Variants in GTF2IRD1 observed in about 807,000 individuals in gnomAD.
GTF2IRD1 encodes general transcription factor II-I repeat domain-containing protein 1.
GTF2IRD1 carries 26 observed loss-of-function variants against 113.2 expected under a neutral mutation model. The ratio of observed to expected loss-of-function variants is 0.23; its 90% CI spans 0.17 to 0.32. The LOEUF (loss-of-function observed/expected upper bound fraction) is 0.32. GTF2IRD1 is among the 10% of genes least tolerant of loss of function. GTF2IRD1 has a pLI of 1.00. For missense variants in GTF2IRD1, 864 were observed against 1,280.8 expected (o/e 0.67, Z 4.97); for synonymous variants, 484 against 529.1 (o/e 0.91, Z 1.17).
At chr7:74,461,209 G>A (rs979151162) in intron 1 of GTF2IRD1, among the ~76,000 whole-genome samples, 4 of 152,154 alleles carry the variant, frequency 2.6e-5, no homozygotes, top group African/African-American at 9.7e-5. Flanking sequence ...CTGGCTTGAG[G>A]GCTTGCGGTC....
chr7:74,572,656 G>T (rs1800762543), intron 22 of GTF2IRD1: 2 of 520,362 alleles, frequency 3.8e-6, no homozygotes, highest in Non-Finnish European at 4.9e-6. Flanking sequence ...TCTGGCCCCT[G>T]CCTCCCTCTC....
chr7:74,494,331 T>C (rs1554337411), intron 1 of GTF2IRD1, among the ~76,000 whole-genome samples: 2 of 152,234 alleles, frequency 1.3e-5, no homozygotes, highest in African/African-American at 4.8e-5. Context: ...GCCCGGGGCC[T>C]GAGCCGAGGA....
rs1262381290 is a variant in GTF2IRD1, at chr7:74,571,350, G to A, written c.2320+11695G>A. Among the ~76,000 whole-genome samples, 5 of 152,228 alleles carry A rather than the reference G, an allele frequency of 3.3e-5. No individual in the cohort carries two copies. In the East Asian group the frequency reaches 5.8e-4, roughly 18 times the overall value. On this transcript the variant is annotated intron_variant, in intron 22 of 26. Coordinates refer to ENST00000424337, the MANE Select transcript of GTF2IRD1 (RefSeq NM_005685.4). ...GCAGAGAGACTGGCCAGGATGGAGC[G>A]GGGACAGCCTGGGAGGCCTGGCTTT...
rs1164847165 is a variant in GTF2IRD1, at chr7:74,521,296, A to G, written c.1005A>G (p.Ser335=). The change falls in exon 7 of 27, where the codon TCA becomes TCG. Residue 335 remains serine, a splice_region_variant and synonymous_variant. Coordinates refer to ENST00000424337, the MANE Select transcript of GTF2IRD1 (RefSeq NM_005685.4). ...TCTTCTCCATCGTCCATGACAAGTC[A>G]GGTAGGACAGCGCCCACGAAGCACC... ...RILFSIVHDK[S]EKWDAFIKET... 6.3e-7 allele frequency: 1 copy of G among 1,599,314 alleles called. No individual in the cohort carries two copies. Among genetic ancestry groups the G allele is most frequent in the African/African-American group, 1.3e-5 (1 of 74,744 alleles).
chr7:74,571,660 G>A (rs997161896), intron 22 of GTF2IRD1, among the ~76,000 whole-genome samples: 7 of 152,144 alleles, frequency 4.6e-5, no homozygotes, highest in Admixed American at 1.3e-4. Context: ...CCAGGAGTTC[G>A]AAACCAGCCT....
intron 1 of GTF2IRD1, chr7:74,506,477 C>G (rs1796302239): frequency 6.6e-6 from 1 of 152,194 alleles, no homozygotes; most frequent in South Asian, 2.1e-4. Flanking sequence ...GCAGAAACTC[C>G]CTGTCTGCAG....
chr7:74,569,939 G>A (rs1583915154), intron 22 of GTF2IRD1, among the ~76,000 whole-genome samples: 1 of 152,334 alleles, frequency 6.6e-6, no homozygotes, highest in South Asian at 2.1e-4. Context: ...CGTGGAGCTG[G>A]CAGAGAGAGA....
intron 1 of GTF2IRD1, among the ~76,000 whole-genome samples, chr7:74,473,320 G>A (rs1016467485): frequency 5.3e-5 from 8 of 152,144 alleles, no homozygotes; most frequent in African/African-American, 1.9e-4. Flanking sequence ...ACGTAGTCCC[G>A]CCCCCTGGTT....
rs12533633 is a variant in GTF2IRD1 at position 74,526,237 on chromosome 7, C to T, written c.1090+2083C>T. 8.6e-3 allele frequency among the ~76,000 whole-genome samples: 1,303 copies of T among 152,342 alleles called. 8 individuals carry two copies. Among genetic ancestry groups the T allele is most frequent in the Middle Eastern group, 0.014 (4 of 294 alleles). ...GCCAAGCCTTTTCCAAATGTCAGTT[C>T]CTGAGTCACATCCAAAGAGTGTTGG... is the stretch of plus-strand genomic sequence containing the variant. On this transcript the variant is annotated intron_variant, in intron 8 of 26. Coordinates refer to ENST00000424337, the MANE Select transcript of GTF2IRD1 (RefSeq NM_005685.4).
At chr7:74,520,587 CTT>C (rs1554345701) in intron 6 of GTF2IRD1, among the ~76,000 whole-genome samples, 1 of 151,872 alleles carries the variant, frequency 6.6e-6, no homozygotes, top group African/African-American at 2.4e-5. Context: ...ACCCGGTAGT[CTT>C]TTTGGATAAC....
At chr7:74,494,891 ACAGGTATG>A (rs1554337508) in intron 1 of GTF2IRD1, among the ~76,000 whole-genome samples, 1 of 152,116 alleles carries the variant, frequency 6.6e-6, no homozygotes, top group Non-Finnish European at 1.5e-5. Context: ...AGCTGGGACT[ACAGGTATG>A]CACTACCATG....
chr7:74,581,754 C>G (rs587655850), intron 22 of GTF2IRD1, among the ~76,000 whole-genome samples: 90 of 152,332 alleles, frequency 5.9e-4, no homozygotes, highest in Non-Finnish European at 1.2e-3. Context: ...ACGCCTGTAT[C>G]TCAGCACTTT....
intron 25 of GTF2IRD1, among the ~76,000 whole-genome samples, chr7:74,600,157 C>T (rs587746948): frequency 6.6e-6 from 1 of 152,178 alleles, no homozygotes; most frequent in African/African-American, 2.4e-5. Context: ...GAGCCAGGCA[C>T]GGTGGCTCAT....
chr7:74,551,398 T>TA (rs1799298279), intron 17 of GTF2IRD1, among the ~76,000 whole-genome samples: 1 of 151,886 alleles, frequency 6.6e-6, no homozygotes. Context: ...ACAAACAAAC[T>TA]AAAAAACCAT....
chr7:74,506,254 C>T (rs1796290960), intron 1 of GTF2IRD1: 1 of 152,236 alleles, frequency 6.6e-6, no homozygotes, highest in South Asian at 2.1e-4. Flanking sequence ...GAAGGCCTGT[C>T]TGTGGCTGGG....
intron 1 of GTF2IRD1, among the ~76,000 whole-genome samples, chr7:74,485,672 G>A (rs557869016): frequency 6.0e-5 from 9 of 149,202 alleles, no homozygotes; most frequent in East Asian, 2.0e-4. Flanking sequence ...CTATAATCCC[G>A]GCACTTTGAG....
At chr7:74,506,304 G>A (rs573946372) in intron 1 of GTF2IRD1, 2 of 152,184 alleles carry the variant, frequency 1.3e-5, no homozygotes, top group Non-Finnish European at 2.9e-5. Flanking sequence ...GGCACTGGTC[G>A]GGATCCTGGG....
chr7:74,595,112 GA>G (rs1562902008), intron 25 of GTF2IRD1, 61 bp downstream of exon 25: 10 of 1,283,086 alleles, frequency 7.8e-6, no homozygotes, highest in African/African-American at 4.5e-5. Context: ...TGTTCCATTT[GA>G]AAAAAGGTAG....
chr7:74,550,616 A>G (rs587772329), intron 17 of GTF2IRD1, among the ~76,000 whole-genome samples: 1 of 151,902 alleles, frequency 6.6e-6, no homozygotes, highest in South Asian at 2.1e-4. Context: ...TTTTTTTAAA[A>G]ATACATTCCG....
Sources: allele counts gnomAD v4.1 joint callset (sites outside exome capture counted in the v4.1 genomes callset), GRCh38; gene constraint gnomAD v4.1.1; transcripts MANE v1.5; gene names NCBI Gene and HGNC (gene_info 2026-07-23, HGNC 2026-07-21).